Variants in PIBF1 observed in about 807,000 individuals in gnomAD.
PIBF1 encodes the protein progesterone immunomodulatory binding factor 1, also known as progesterone-induced-blocking factor 1.
Under a neutral mutation model 112.5 loss-of-function variants are expected in PIBF1, and 90 were observed. That is an observed-to-expected ratio of 0.80 (90% CI 0.67 to 0.95). The LOEUF is 0.95. Ranked by LOEUF, PIBF1 falls within the 40% of genes least tolerant of loss-of-function variation. PIBF1 has a pLI of 0.00. For synonymous variants in PIBF1, 301 were observed against 288.6 expected, an observed-to-expected ratio of 1.04 and a Z score of -0.44; for missense variants, 915 against 852.3, an observed-to-expected ratio of 1.07 and a Z score of -0.92.
chr13:72,956,872 C>G (rs1036894268), intron 14 of PIBF1, among the ~76,000 whole-genome samples: 2 of 152,124 alleles, frequency 1.3e-5, no homozygotes, highest in African/African-American at 4.8e-5. Flanking sequence ...ATAGACAGTT[C>G]TCAAAAGAAG....
intron 11 of PIBF1, among the ~76,000 whole-genome samples, chr13:72,905,906 G>A (rs1014907666): frequency 2.6e-5 from 4 of 152,276 alleles, no homozygotes; most frequent in East Asian, 3.9e-4. Context: ...ATTTCTTAAC[G>A]TTGTGTGCCC....
At chr13:72,991,327 C>G (rs1284583320) in intron 16 of PIBF1, among the ~76,000 whole-genome samples, 1 of 152,148 alleles carries the variant, frequency 6.6e-6, no homozygotes, top group African/African-American at 2.4e-5. Context: ...AACATCCTTG[C>G]CCTTAACTCT....
At chr13:72,875,500 A>G (rs2063675223) in intron 10 of PIBF1, among the ~76,000 whole-genome samples, 1 of 151,676 alleles carries the variant, frequency 6.6e-6, no homozygotes, top group East Asian at 1.9e-4. Flanking sequence ...GAAAAAAAAA[A>G]GAAGAAACCA....
intron 9 of PIBF1, among the ~76,000 whole-genome samples, chr13:72,848,172 C>T (rs1397501675): frequency 6.6e-6 from 1 of 152,144 alleles, no homozygotes; most frequent in African/African-American, 2.4e-5. Context: ...AGTTCTGAGG[C>T]ATTAGGGATG....
intron 11 of PIBF1, among the ~76,000 whole-genome samples, chr13:72,906,509 C>T (rs1325513243): frequency 6.6e-6 from 1 of 151,978 alleles, no homozygotes; most frequent in East Asian, 1.9e-4. Flanking sequence ...ATGGGTCCAA[C>T]AGTCAAGTTC....
At chr13:72,820,229 C>G (rs534490508) in intron 5 of PIBF1, among the ~76,000 whole-genome samples, 2 of 152,248 alleles carry the variant, frequency 1.3e-5, no homozygotes, top group South Asian at 4.1e-4. Context: ...AGTCTTACTG[C>G]AGGAATTCAG....
intron 2 of PIBF1, among the ~76,000 whole-genome samples, chr13:72,791,037 TTTTGTTTG>T (rs141805152): frequency 1.5e-3 from 224 of 149,840 alleles, no homozygotes; most frequent in Middle Eastern, 6.9e-3. Context: ...ATTCATGTAT[TTTTGTTTG>T]TTTGTTTGTT....
intron 14 of PIBF1, among the ~76,000 whole-genome samples, 188 bp from the exon 15 acceptor site, chr13:72,965,086 T>A (rs1193954538): frequency 6.6e-6 from 1 of 152,136 alleles, no homozygotes; most frequent in African/African-American, 2.4e-5. Context: ...AAAAAATTAT[T>A]GTTTATAGTT....
intron 17 of PIBF1, among the ~76,000 whole-genome samples, chr13:73,007,639 A>G (rs2044077367): frequency 6.6e-6 from 1 of 151,930 alleles, no homozygotes; most frequent in Non-Finnish European, 1.5e-5. Context: ...GAGAAACCCC[A>G]TCTCTACTAA....
At chr13:72,859,061 A>G (rs1009532195) in intron 10 of PIBF1, among the ~76,000 whole-genome samples, 4 of 151,988 alleles carry the variant, frequency 2.6e-5, no homozygotes, top group Admixed American at 1.3e-4. Flanking sequence ...TGCTTTTTTC[A>G]TTGTCAGACG....
intron 10 of PIBF1, among the ~76,000 whole-genome samples, chr13:72,869,194 T>G (rs987335462): frequency 1.3e-5 from 2 of 152,062 alleles, no homozygotes; most frequent in African/African-American, 2.4e-5. Context: ...TTATTCACAA[T>G]AGCAAAGACT....
chr13:72,938,174 G>GT (rs2041922571), intron 14 of PIBF1, among the ~76,000 whole-genome samples: 1 of 152,110 alleles, frequency 6.6e-6, no homozygotes, highest in Non-Finnish European at 1.5e-5. Context: ...CCATTTAAGA[G>GT]TTTACTTTTT....
chr13:72,977,290 C>CA (rs1365196820), intron 16 of PIBF1, among the ~76,000 whole-genome samples: 48 of 152,244 alleles, frequency 3.2e-4, no homozygotes, highest in Admixed American at 2.7e-3. Context: ...GCGCAACCTC[C>CA]ACCTCCCTGG....
In PIBF1 at chr13:73,016,063, G is replaced by A. The variant is rs182400938; in HGVS notation, c.*144G>A. Reference sequence around the variant, plus strand: ...AACTAATATTAAATTAACAAATTCAGTGTAATCAAAATGTGTAAAGAACAA... The same window carrying A: ...AACTAATATTAAATTAACAAATTCAATGTAATCAAAATGTGTAAAGAACAA... On this transcript the variant is annotated 3_prime_UTR_variant, in exon 18 of 18. Transcript: ENST00000326291. The A allele has an allele frequency of 6.7e-4, 233 of 346,660 alleles. 3 individuals are homozygous for A. The highest frequency in any genetic ancestry group is 3.7e-4 in the Non-Finnish European group (72 of 193,664). The allele number at this position is 346,660 out of a possible 1,614,324, so 21.5% of individuals were successfully genotyped here.
intron 14 of PIBF1, among the ~76,000 whole-genome samples, chr13:72,944,604 G>A (rs1426859808): frequency 6.6e-6 from 1 of 152,086 alleles, no homozygotes; most frequent in Non-Finnish European, 1.5e-5. Context: ...TAGGAGAAAA[G>A]TGAAAAGCTG....
intron 10 of PIBF1, among the ~76,000 whole-genome samples, chr13:72,888,802 A>G (rs1313962900): frequency 1.3e-5 from 2 of 151,578 alleles, no homozygotes; most frequent in Non-Finnish European, 2.9e-5. Context: ...ATATCAATTC[A>G]TATGTGATAT....
chr13:72,853,979 G>C, intron 9 of PIBF1, 78 bp from the exon 10 acceptor site: 3 of 1,100,060 alleles, frequency 2.7e-6, no homozygotes, highest in South Asian at 1.3e-5. Context: ...CCTTAAGATT[G>C]TCAGATAGTC....
chr13:72,813,895 C>T (rs1417714095), intron 5 of PIBF1, among the ~76,000 whole-genome samples: 2 of 152,032 alleles, frequency 1.3e-5, no homozygotes, highest in Admixed American at 1.3e-4. Context: ...TGAGTGAAAG[C>T]CTAGAAATAG....
At chr13:72,784,073 T>C (rs1221576753) in intron 2 of PIBF1, among the ~76,000 whole-genome samples, 2 of 151,682 alleles carry the variant, frequency 1.3e-5, no homozygotes, top group African/African-American at 4.9e-5. Context: ...ACAGCAGATG[T>C]TAAGTGTTCT....
Sources: allele counts gnomAD v4.1 joint callset (sites outside exome capture counted in the v4.1 genomes callset), GRCh38; gene constraint gnomAD v4.1.1; transcripts MANE v1.5; gene names NCBI Gene and HGNC (gene_info 2026-07-23, HGNC 2026-07-21).